AGBL1: variants seen among roughly 807,000 people sequenced by gnomAD.
AGBL1 encodes AGBL carboxypeptidase 1, also known as cytosolic carboxypeptidase 4.
In AGBL1, 130 loss-of-function variants were observed where a neutral mutation model predicts 118.9. That is an observed-to-expected ratio of 1.09 (90% CI 0.95 to 1.26). The LOEUF is 1.26. AGBL1 is among the 50% of genes most tolerant of loss of function. The pLI, the probability that AGBL1 is intolerant of heterozygous loss-of-function variation, is 0.00. For missense variants in AGBL1, 1,584 were observed against 1,298.1 expected (o/e 1.22, Z -3.38); for synonymous variants, 555 against 478.9 (o/e 1.16, Z -2.08).
At chr15:86,719,232 A>G (rs1487195389) in intron 22 of AGBL1, among the ~76,000 whole-genome samples, 1 of 152,166 alleles carries the variant, frequency 6.6e-6, no homozygotes, top group Admixed American at 6.5e-5. Flanking sequence ...CCCCCAGTTG[A>G]CCTACAAGAA....
At chr15:86,340,750 G>A (rs905982726) in intron 17 of AGBL1, among the ~76,000 whole-genome samples, 29 of 152,120 alleles carry the variant, frequency 1.9e-4, no homozygotes, top group African/African-American at 6.8e-4. Flanking sequence ...AGGAAGGGTG[G>A]GGATGCCACG....
intron 18 of AGBL1, among the ~76,000 whole-genome samples, chr15:86,402,984 G>A (rs1441509296): frequency 6.6e-6 from 1 of 152,178 alleles, no homozygotes; most frequent in East Asian, 1.9e-4. Context: ...GACTGATCCA[G>A]CGGTTTCTTG....
intron 5 of AGBL1, among the ~76,000 whole-genome samples, chr15:86,199,204 G>T (rs74025014): frequency 0.01 from 1,559 of 152,046 alleles, 22 homozygotes; most frequent in African/African-American, 0.036. Flanking sequence ...CTTTATAAAG[G>T]TTATATAGAT....
At chr15:86,310,051 G>C (rs1372605413) in intron 17 of AGBL1, among the ~76,000 whole-genome samples, 1 of 152,172 alleles carries the variant, frequency 6.6e-6, no homozygotes, top group Non-Finnish European at 1.5e-5. Flanking sequence ...GAAGCCATCA[G>C]ATCCTGAGCT....
At chr15:86,128,713 T>G (rs2076780343) in intron 1 of AGBL1, among the ~76,000 whole-genome samples, 1 of 152,228 alleles carries the variant, frequency 6.6e-6, no homozygotes, top group South Asian at 2.1e-4. Context: ...TTATCTCTTT[T>G]TCTTTGGCCA....
intron 23 of AGBL1, among the ~76,000 whole-genome samples, chr15:86,952,813 G>C (rs1273844759): frequency 6.6e-6 from 1 of 152,078 alleles, no homozygotes; most frequent in Non-Finnish European, 1.5e-5. Context: ...AGAGTTTGAG[G>C]TCTCACATTT....
At chr15:86,545,040 A>G (rs984925073) in intron 19 of AGBL1, among the ~76,000 whole-genome samples, 1 of 152,180 alleles carries the variant, frequency 6.6e-6, no homozygotes, top group African/African-American at 2.4e-5. Context: ...TGGTTATGTG[A>G]CTTTCTTTGA....
chr15:86,817,637 A>ACG (rs2078883251), intron 22 of AGBL1, among the ~76,000 whole-genome samples: 1 of 147,196 alleles, frequency 6.8e-6, no homozygotes, highest in Admixed American at 6.8e-5. Flanking sequence ...ACACACACAC[A>ACG]CACACACACA....
At chr15:86,584,920 A>T (rs1285965212) in intron 21 of AGBL1, among the ~76,000 whole-genome samples, 1 of 151,862 alleles carries the variant, frequency 6.6e-6, no homozygotes, top group African/African-American at 2.4e-5. Context: ...ATCTATTCCT[A>T]GTTATTTTAT....
intron 24 of AGBL1, among the ~76,000 whole-genome samples, chr15:87,012,798 C>T (rs908322381): frequency 4.6e-5 from 7 of 152,054 alleles, no homozygotes; most frequent in Non-Finnish European, 7.4e-5. Flanking sequence ...AAATACCCCT[C>T]GAAATCCATC....
chr15:86,775,199 T>G (rs1188243072), intron 22 of AGBL1, among the ~76,000 whole-genome samples: 1 of 152,104 alleles, frequency 6.6e-6, no homozygotes. Flanking sequence ...GGGAGGTGAC[T>G]TAAAGGCCTG....
chr15:86,943,489 C>T (rs2092439715), intron 23 of AGBL1, among the ~76,000 whole-genome samples: 1 of 152,160 alleles, frequency 6.6e-6, no homozygotes, highest in South Asian at 2.1e-4. Flanking sequence ...TTACAGACGA[C>T]CTTGAGGATG....
chr15:86,322,791 C>T (rs1311509526), intron 17 of AGBL1, among the ~76,000 whole-genome samples: 1 of 152,184 alleles, frequency 6.6e-6, no homozygotes, highest in African/African-American at 2.4e-5. Flanking sequence ...TGCATTTGTA[C>T]TGAAAACCAG....
chr15:86,113,212 T>TTTTCTTTTCTTTTC (rs1555430663), intron 1 of AGBL1, among the ~76,000 whole-genome samples: 1 of 122,132 alleles, frequency 8.2e-6, no homozygotes, highest in African/African-American at 2.9e-5. Context: ...TTTCTTTTTC[T>TTTTCTTTTCTTTTC]TTTTCTTTTC....
At chr15:87,003,534 A>T (rs943131460) in intron 24 of AGBL1, among the ~76,000 whole-genome samples, 5 of 152,122 alleles carry the variant, frequency 3.3e-5, no homozygotes, top group Non-Finnish European at 7.4e-5. Flanking sequence ...ATTAATTGGA[A>T]TAGTTTCAGA....
intron 17 of AGBL1, among the ~76,000 whole-genome samples, chr15:86,352,971 A>C (rs566644534): frequency 3.0e-4 from 46 of 152,354 alleles, no homozygotes; most frequent in African/African-American, 9.6e-4. Flanking sequence ...GAAAAAATAA[A>C]AAGTTTTTGT....
chr15:86,583,283 A>T (rs1035998164), intron 21 of AGBL1, among the ~76,000 whole-genome samples: 7 of 152,114 alleles, frequency 4.6e-5, no homozygotes, highest in Non-Finnish European at 1.0e-4. Context: ...ACCTAAAATT[A>T]GCAGGTATAT....
intron 24 of AGBL1, among the ~76,000 whole-genome samples, chr15:87,024,481 A>G (rs2081704305): frequency 6.6e-6 from 1 of 152,038 alleles, no homozygotes; most frequent in Non-Finnish European, 1.5e-5. Flanking sequence ...TTGAAATGGT[A>G]ACGTAAAAAT....
chr15:86,799,662 T>G (rs1413309658), intron 22 of AGBL1, among the ~76,000 whole-genome samples: 1 of 152,104 alleles, frequency 6.6e-6, no homozygotes, highest in Non-Finnish European at 1.5e-5. Context: ...AATAAGTAAT[T>G]TGAATTTCAC....
Sources: allele counts gnomAD v4.1 joint callset (sites outside exome capture counted in the v4.1 genomes callset), GRCh38; gene constraint gnomAD v4.1.1; transcripts MANE v1.5; gene names NCBI Gene and HGNC (gene_info 2026-07-23, HGNC 2026-07-21).